RASSF6: variants seen among roughly 807,000 people sequenced by gnomAD.
The protein encoded by RASSF6 is Ras association domain family member 6, also known as ras association domain-containing protein 6.
Under a neutral mutation model 44.0 loss-of-function variants are expected in RASSF6, and 52 were observed. That is an observed-to-expected ratio of 1.18 (90% CI 0.95 to 1.49). The LOEUF (loss-of-function observed/expected upper bound fraction) is 1.49, where lower values mean the gene tolerates loss of function less well. RASSF6 is among the 40% of genes most tolerant of loss of function. The pLI, the probability that RASSF6 is intolerant of heterozygous loss-of-function variation, is 0.00. For synonymous variants in RASSF6, 162 were observed against 124.6 expected (o/e 1.30, Z -2.00); for missense variants, 464 against 393.3 (o/e 1.18, Z -1.52).
chr4:73,581,418 A>C (rs1024043482), intron 8 of RASSF6, among the ~76,000 whole-genome samples: 1 of 152,164 alleles, frequency 6.6e-6, no homozygotes, highest in East Asian at 1.9e-4. Context: ...TGTGCTAAAA[A>C]AGAGGCAATA....
chr4:73,598,767 T>C (rs551739469), intron 2 of RASSF6, 49 bp from the exon 3 acceptor site: 1 of 773,088 alleles, frequency 1.3e-6, no homozygotes, highest in South Asian at 1.8e-5. Flanking sequence ...GTTTTTAACG[T>C]AAAAGGTGAT....
chr4:73,614,329 AC>A (rs1726208804), intron 1 of RASSF6, among the ~76,000 whole-genome samples: 1 of 152,160 alleles, frequency 6.6e-6, no homozygotes, highest in South Asian at 2.1e-4. Flanking sequence ...TTGAAACTTA[AC>A]CCCCAATGCA....
chr4:73,587,347 T>C (rs7695792), intron 5 of RASSF6, among the ~76,000 whole-genome samples: 42,206 of 151,892 alleles, frequency 0.28, 6,099 homozygotes, highest in Admixed American at 0.41. Context: ...GAAATAACTC[T>C]ATCAAATATA....
chr4:73,576,824 C>T (rs981859194), intron 8 of RASSF6, 93 bp from the exon 9 acceptor site: 2 of 817,520 alleles, frequency 2.4e-6, no homozygotes, highest in Non-Finnish European at 3.9e-6. Context: ...GTATTTAACT[C>T]ACTTTGAAAA....
Position 73,593,441 on chromosome 4 carries a change from G to T in RASSF6, c.287+10C>A. 1 of 1,592,016 alleles carries T rather than the reference G, an allele frequency of 6.3e-7. No individual in the cohort carries two copies. Reference sequence around the variant, plus strand: ...CTTCTGAGGAATTAAAAACATGAAAGATAGCTTACCCTTTGCTGGAGAAGA... The same window carrying T: ...CTTCTGAGGAATTAAAAACATGAAATATAGCTTACCCTTTGCTGGAGAAGA... On this transcript the variant is annotated intron_variant, in intron 4 of 10. Transcript: ENST00000307439.
intron 1 of RASSF6, among the ~76,000 whole-genome samples, chr4:73,613,353 G>A (rs561837362): frequency 8.8e-4 from 134 of 152,234 alleles, no homozygotes; most frequent in African/African-American, 3.1e-3. Context: ...CATGCTCCAT[G>A]AGCCCAGTGA....
chr4:73,581,588 C>A (rs561987250), intron 8 of RASSF6, among the ~76,000 whole-genome samples: 16 of 152,298 alleles, frequency 1.1e-4, no homozygotes, highest in African/African-American at 3.8e-4. Context: ...GTCTGGCCAA[C>A]AAGCAAACTC....
intron 4 of RASSF6, among the ~76,000 whole-genome samples, chr4:73,588,162 T>A (rs1317792768): frequency 6.6e-6 from 1 of 152,048 alleles, no homozygotes; most frequent in Non-Finnish European, 1.5e-5. Context: ...CTTTTTGACG[T>A]AATAATTCAG....
At chr4:73,600,921 C>T (rs1014228914) in intron 2 of RASSF6, among the ~76,000 whole-genome samples, 4 of 152,108 alleles carry the variant, frequency 2.6e-5, no homozygotes, top group African/African-American at 9.7e-5. Context: ...ATTTATAGCA[C>T]TCATTGTTTA....
chr4:73,620,532 G>A (rs760878156), upstream of RASSF6: 3 of 1,453,154 alleles, frequency 2.1e-6, no homozygotes, highest in Non-Finnish European at 2.8e-6. Flanking sequence ...TGCCCCCGAC[G>A]CGATCAGCGA....
At chr4:73,607,002 G>C (rs570799498) in intron 2 of RASSF6, among the ~76,000 whole-genome samples, 1 of 152,210 alleles carries the variant, frequency 6.6e-6, no homozygotes, top group East Asian at 1.9e-4. Flanking sequence ...TGACACACAG[G>C]CTCTTACACT....
In RASSF6 at chr4:73,611,779, T is replaced by A. The variant is rs1726030642; in HGVS notation, c.17A>T (p.His6Leu). 1.2e-6 allele frequency: 2 copies of A among 1,611,678 alleles called. No individual in the cohort carries two copies. The highest frequency in any genetic ancestry group is 1.7e-6 in the Non-Finnish European group (2 of 1,178,198). The change falls in exon 2 of 11, where the codon CAC becomes CTC. Residue 6 changes from histidine (H) to leucine (L), a missense_variant. His to Leu is a moderately conservative substitution (Grantham distance 99, BLOSUM62 -3). Coordinates refer to ENST00000307439, the MANE Select transcript of RASSF6 (RefSeq NM_177532.5). Reference protein sequence around the residue: MTMMAHQYPSWIFINE... With the variant: MTMMALQYPSWIFINE... Reference sequence around the variant, plus strand: ...AATGAAGATCCAAGAGGGGTACTGGTGAGCCATCATAGTCATCTTTTCCTC... The same window carrying A: ...AATGAAGATCCAAGAGGGGTACTGGAGAGCCATCATAGTCATCTTTTCCTC...
chr4:73,589,842 A>G (rs1231451559), intron 4 of RASSF6, among the ~76,000 whole-genome samples: 1 of 152,132 alleles, frequency 6.6e-6, no homozygotes, highest in Non-Finnish European at 1.5e-5. Context: ...TTTTCTAAGG[A>G]GTTTAAAAAT....
chr4:73,606,702 A>G (rs748744577), intron 2 of RASSF6, among the ~76,000 whole-genome samples: 3 of 151,662 alleles, frequency 2.0e-5, no homozygotes, highest in Non-Finnish European at 4.4e-5. Flanking sequence ...AACAGTAAGC[A>G]TTATGGGAGC....
chr4:73,613,302 C>T (rs1726146012), intron 1 of RASSF6, among the ~76,000 whole-genome samples: 1 of 152,108 alleles, frequency 6.6e-6, no homozygotes, highest in Non-Finnish European at 1.5e-5. Flanking sequence ...ACGTCAGAAG[C>T]CACATGGGCA....
chr4:73,611,311 G>T (rs1304618936), intron 2 of RASSF6, among the ~76,000 whole-genome samples: 1 of 152,110 alleles, frequency 6.6e-6, no homozygotes, highest in Non-Finnish European at 1.5e-5. Context: ...GCCATATATT[G>T]CATAATCTAA....
At chr4:73,613,821 C>G (rs535218602) in intron 1 of RASSF6, among the ~76,000 whole-genome samples, 84 of 152,156 alleles carry the variant, frequency 5.5e-4, no homozygotes, top group Non-Finnish European at 2.5e-4. Flanking sequence ...TTGCTGATTC[C>G]TCCTTTGTAT....
chr4:73,602,940 T>A (rs1327059274), intron 2 of RASSF6, among the ~76,000 whole-genome samples: 1 of 151,936 alleles, frequency 6.6e-6, no homozygotes, highest in Non-Finnish European at 1.5e-5. Context: ...TACAAAAAAT[T>A]AGCAGGGCGC....
chr4:73,590,864 A>C (rs1432247196), intron 4 of RASSF6, among the ~76,000 whole-genome samples: 2 of 152,250 alleles, frequency 1.3e-5, no homozygotes, highest in Admixed American at 1.3e-4. Flanking sequence ...CTTTAAACAA[A>C]AAGAGCCAAT....
Sources: allele counts gnomAD v4.1 joint callset (sites outside exome capture counted in the v4.1 genomes callset), GRCh38; gene constraint gnomAD v4.1.1; transcripts MANE v1.5; gene names NCBI Gene and HGNC (gene_info 2026-07-23, HGNC 2026-07-21).